Variants in CFAP92 observed in about 807,000 individuals in gnomAD.
CFAP92 encodes the protein uncharacterized protein CFAP92.
CFAP92 carries 86 observed loss-of-function variants against 106.3 expected under a neutral mutation model. That is an observed-to-expected ratio of 0.81 (90% CI 0.68 to 0.97). CFAP92 has a LOEUF of 0.97. Among genes scored for constraint, CFAP92 ranks in the 50% least tolerant of loss-of-function variants. The pLI is 0.00. For missense variants in CFAP92, 1,204 were observed against 1,283.8 expected, an observed-to-expected ratio of 0.94 and a Z score of 0.95; for synonymous variants, 477 against 506.4, an observed-to-expected ratio of 0.94 and a Z score of 0.78.
In CFAP92 at chr3:128,945,353, C is replaced by A; in HGVS notation, c.1976G>T (p.Gly659Val). ...ADPDLGGSQF[G>V]RIIFVFDFKK... ...AAAGTCAAAGACGAAGATGATGCGGCCAAACTGGGAGCCCCCAAGGTCAGG... is the reference window on the plus strand; with the variant it reads ...AAAGTCAAAGACGAAGATGATGCGGACAAACTGGGAGCCCCCAAGGTCAGG... The change falls in exon 10 of 16, where the codon GGC (glycine) becomes GTC (valine). Residue 659 changes from glycine to valine, a missense_variant. Gly to Val is a moderately radical substitution (Grantham distance 109). Coordinates refer to ENST00000645291, the MANE Select transcript of CFAP92 (RefSeq NM_001394090.1). 1 of 1,536,166 alleles carries A rather than the reference C, an allele frequency of 6.5e-7. No individual in the cohort carries two copies. The highest frequency in any genetic ancestry group is 8.7e-7 in the Non-Finnish European group (1 of 1,146,914).
chr3:128,953,625 C>CTCTCCGTCTCCG (rs1392362537), intron 9 of CFAP92, among the ~76,000 whole-genome samples: 1 of 126,134 alleles, frequency 7.9e-6, no homozygotes, highest in African/African-American at 4.0e-5. Context: ...CTCTCCCTCC[C>CTCTCCGTCTCCG]TCTCCGTCTC....
intron 12 of CFAP92, among the ~76,000 whole-genome samples, chr3:128,924,468 G>C (rs1323426322): frequency 2.2e-5 from 2 of 91,110 alleles, no homozygotes; most frequent in Non-Finnish European, 3.8e-5. Flanking sequence ...TTTTGAGACA[G>C]AGTTTCGCTC....
intron 9 of CFAP92, among the ~76,000 whole-genome samples, chr3:128,960,548 C>T (rs1236668012): frequency 1.3e-5 from 2 of 152,178 alleles, no homozygotes; most frequent in African/African-American, 2.4e-5. Context: ...ACGTTTTATC[C>T]GTGGACCCAA....
chr3:128,956,672 T>G (rs941894934), intron 9 of CFAP92, among the ~76,000 whole-genome samples: 32 of 151,968 alleles, frequency 2.1e-4, no homozygotes, highest in African/African-American at 7.5e-4. Flanking sequence ...GGTATAACAT[T>G]TTTCAAGTGT....
At chr3:129,024,095 T>C in the CFAP92 span, among the ~76,000 whole-genome samples, 1 of 152,224 alleles carries the variant, frequency 6.6e-6, no homozygotes, top group Non-Finnish European at 1.5e-5. Context: ...CTGTGCTAAC[T>C]GTCCTCAAGG....
chr3:128,922,717 G>A (rs1482718054), intron 12 of CFAP92, among the ~76,000 whole-genome samples: 1 of 152,206 alleles, frequency 6.6e-6, no homozygotes, highest in Admixed American at 6.5e-5. Flanking sequence ...ATTTTACCAT[G>A]TCACGGGCCA....
intron 10 of CFAP92, among the ~76,000 whole-genome samples, chr3:128,939,020 T>C (rs1020704825): frequency 1.3e-5 from 2 of 152,220 alleles, no homozygotes; most frequent in Admixed American, 6.5e-5. Flanking sequence ...TTTTCAGATA[T>C]AGCAGTGGTT....
At chr3:128,994,649 G>A (rs183777303), upstream of CFAP92, among the ~76,000 whole-genome samples, 5 of 152,328 alleles carry the variant, frequency 3.3e-5, no homozygotes, top group East Asian at 7.7e-4. Flanking sequence ...CGATTCGCCC[G>A]AGGTCACACA....
intron 13 of CFAP92, 177 bp downstream of exon 13, chr3:128,915,930 G>A (rs16852253): frequency 0.022 from 9,739 of 446,416 alleles, 219 homozygotes; most frequent in South Asian, 0.1. Flanking sequence ...AGGTGTGGAG[G>A]ATTCACATTT....
chr3:128,995,990 C>T (rs1944465312), upstream of CFAP92, among the ~76,000 whole-genome samples: 1 of 152,196 alleles, frequency 6.6e-6, no homozygotes. Flanking sequence ...CTGGCTCAGT[C>T]AAAAGAGTGC....
the CFAP92 span, among the ~76,000 whole-genome samples, chr3:129,016,715 C>A: frequency 4.6e-3 from 693 of 152,224 alleles, 8 homozygotes; most frequent in African/African-American, 0.015. Context: ...CAAACCCTGA[C>A]TCGTACAGGG....
Position 128,910,653 on chromosome 3 carries a change from C to A in CFAP92, c.3281-320G>T, listed in dbSNP as rs1397308736. On this transcript the variant is annotated intron_variant, in intron 15 of 15. Coordinates refer to ENST00000645291, the MANE Select transcript of CFAP92 (RefSeq NM_001394090.1). ...GGCCTTGTGACCCCTGCCATGCTAC[C>A]CAGTTTGGCTGATAGGCTGGGTTTT... 10 of 1,411,918 alleles carry A rather than the reference C, an allele frequency of 7.1e-6. No homozygotes were observed. In the African/African-American group the frequency reaches 7.4e-5, roughly 10 times the overall value. 87.5% of individuals were successfully genotyped at this position (1,411,918 alleles called of 1,614,324 possible).
In CFAP92 at chr3:128,933,051, GTAA is replaced by G. The variant is rs1487500078; in HGVS notation, c.2454-57_2454-55del. ...ACCTCTCCTACCTTGCAAGACAGGT[GTAA>G]TCACTCCCATCCTACAGCAGGAAAT... On this transcript the variant is annotated intron_variant, in intron 11 of 15. Coordinates refer to ENST00000645291, the MANE Select transcript of CFAP92 (RefSeq NM_001394090.1). 39 of 1,457,926 alleles carry G rather than the reference GTAA, an allele frequency of 2.7e-5. No homozygotes were observed. In the Admixed American group the frequency reaches 7.7e-4, roughly 29 times the overall value. The allele number at this position is 1,457,926 out of a possible 1,614,324, so 90.3% of individuals were successfully genotyped here. A position where few individuals can be genotyped will look rare whatever the true frequency, so the allele number is the denominator to read the frequency against.
rs1380888055 is a variant in CFAP92, at chr3:128,932,712, G to C, written c.2739C>G (p.His913Gln). The change falls in exon 12 of 16, where the codon CAC becomes CAG. Residue 913 changes from histidine to glutamine, a missense_variant. Physicochemically the swap from His to Gln is conservative, Grantham distance 24. Coordinates refer to ENST00000645291, the MANE Select transcript of CFAP92 (RefSeq NM_001394090.1). ...GAAGGCGGCCCACCTGGATGAAACTGTGCTTTTTGTCTTTGTTCTTCATAA... is the reference window on the plus strand; with the variant it reads ...GAAGGCGGCCCACCTGGATGAAACTCTGCTTTTTGTCTTTGTTCTTCATAA... The part of the protein sequence containing the change: ...AMLMKNKDKK[H>Q]SFIQKNITEA... 1.0e-5 allele frequency: 16 copies of C among 1,532,480 alleles called. No homozygotes were observed. In the Admixed American group the frequency reaches 3.1e-4, roughly 30 times the overall value. 94.9% of individuals were successfully genotyped at this position (1,532,480 alleles called of 1,614,324 possible).
At position 128,988,900 on chromosome 3, in the gene CFAP92, G is replaced by C. The variant is rs1474383529; in HGVS notation, c.281C>G (p.Ala94Gly). 1 of 1,612,952 alleles carries C rather than the reference G, an allele frequency of 6.2e-7. No individual in the cohort carries two copies. The highest frequency in any genetic ancestry group is 1.1e-5 in the South Asian group (1 of 90,984). The change falls in exon 3 of 16, where the codon GCA becomes GGA. Residue 94 changes from alanine (A) to glycine (G), a missense_variant. Coordinates refer to ENST00000645291, the MANE Select transcript of CFAP92 (RefSeq NM_001394090.1). ...TTTCTTATATTTTTCAATCAAACTT[G>C]CATATTTTCCCTTCTGACCTTGAAG... The part of the protein sequence containing the change: ...PVNMGQKGKY[A>G]SLIEKYKKHP...
intron 7 of CFAP92, among the ~76,000 whole-genome samples, chr3:128,974,110 G>A (rs1417103296): frequency 2.6e-5 from 4 of 152,224 alleles, no homozygotes; most frequent in Non-Finnish European, 5.9e-5. Flanking sequence ...TGGACCGTAG[G>A]AATAGGAATG....
chr3:128,981,995 A>G (rs1943565735), intron 4 of CFAP92, among the ~76,000 whole-genome samples: 3 of 152,328 alleles, frequency 2.0e-5, no homozygotes, highest in Middle Eastern at 3.4e-3. Flanking sequence ...ATCATTCTTA[A>G]TAGGCTCTAG....
upstream of CFAP92, chr3:129,003,349 A>G: frequency 2.1e-6 from 2 of 934,674 alleles, no homozygotes; most frequent in Non-Finnish European, 2.6e-6. Context: ...CACACCAGTA[A>G]AGACAGATAG....
At chr3:128,948,157 T>C (rs1221066216) in intron 9 of CFAP92, among the ~76,000 whole-genome samples, 1 of 152,026 alleles carries the variant, frequency 6.6e-6, no homozygotes, top group Non-Finnish European at 1.5e-5. Context: ...ACAACAGACT[T>C]AAATCCAGAA....
Sources: gnomAD v4.1 joint callset for allele counts (sites outside exome capture counted in the v4.1 genomes callset) on GRCh38, gnomAD v4.1.1 for gene constraint, MANE v1.5 for transcripts, NCBI Gene and HGNC (gene_info 2026-07-23, HGNC 2026-07-21) for gene names.